CSMD3: variants seen among roughly 807,000 people sequenced by gnomAD.
CSMD3 encodes the protein CUB and Sushi multiple domains 3.
A neutral mutation model predicts 435.2 loss-of-function variants in CSMD3; 177 were observed. The ratio of observed to expected loss-of-function variants is 0.41; its 90% CI spans 0.36 to 0.46. CSMD3 has a LOEUF of 0.46. CSMD3 is among the 20% of genes least tolerant of loss of function. The pLI is 0.34. For synonymous variants in CSMD3, 1,656 were observed against 1,520.5 expected (o/e 1.09, Z -2.07); for missense variants, 4,265 against 4,504.6 (o/e 0.95, Z 1.52).
chr8:113,376,922 C>T (rs893097140), intron 1 of CSMD3: 15 of 1,548,940 alleles, frequency 9.7e-6, no homozygotes, highest in Non-Finnish European at 1.1e-5. Context: ...GTTGTGGGGG[C>T]CATAACGGAT....
intron 3 of CSMD3, among the ~76,000 whole-genome samples, chr8:113,214,786 G>GA (rs2092881936): frequency 6.6e-6 from 1 of 151,692 alleles, no homozygotes; most frequent in Non-Finnish European, 1.5e-5. Context: ...GTCAAATACA[G>GA]AGAACAATAA....
intron 2 of CSMD3, among the ~76,000 whole-genome samples, chr8:113,290,738 G>A (rs2093680725): frequency 6.6e-6 from 1 of 151,574 alleles, no homozygotes; most frequent in African/African-American, 2.4e-5. Flanking sequence ...AATGAATTTA[G>A]ACATGATTTA....
At chr8:113,047,510 G>A (rs552602319) in intron 5 of CSMD3, among the ~76,000 whole-genome samples, 1 of 152,088 alleles carries the variant, frequency 6.6e-6, no homozygotes, top group South Asian at 2.1e-4. Context: ...GAACAATCAG[G>A]ATTTCTTCCT....
chr8:113,225,769 G>A (rs2132157329), intron 3 of CSMD3, among the ~76,000 whole-genome samples: 1 of 151,592 alleles, frequency 6.6e-6, no homozygotes, highest in Non-Finnish European at 1.5e-5. Context: ...GTACCTGCGA[G>A]TCTCCAGAGA....
At chr8:113,430,599 A>G (rs1005567584) in intron 1 of CSMD3, among the ~76,000 whole-genome samples, 4 of 152,096 alleles carry the variant, frequency 2.6e-5, no homozygotes, top group African/African-American at 9.7e-5. Context: ...GATTCAACAG[A>G]CCTTATCTGG....
At chr8:112,402,518 A>T (rs769331699) in intron 35 of CSMD3, among the ~76,000 whole-genome samples, 1 of 152,182 alleles carries the variant, frequency 6.6e-6, no homozygotes, top group Non-Finnish European at 1.5e-5. Context: ...ATGAATTTCC[A>T]TGTCATTATA....
chr8:112,531,885 G>A (rs181063470), intron 27 of CSMD3, among the ~76,000 whole-genome samples: 46 of 152,114 alleles, frequency 3.0e-4, no homozygotes, highest in East Asian at 2.9e-3. Context: ...TAACTAAGGC[G>A]CCAGTGATTA....
At chr8:112,235,484 G>A (rs1813484525) in intron 67 of CSMD3, among the ~76,000 whole-genome samples, 1 of 152,082 alleles carries the variant, frequency 6.6e-6, no homozygotes, top group Admixed American at 6.6e-5. Context: ...TTTTTAGTTT[G>A]GGAAGGTAAA....
At chr8:112,894,008 G>T (rs1375841334) in intron 10 of CSMD3, among the ~76,000 whole-genome samples, 1 of 151,338 alleles carries the variant, frequency 6.6e-6, no homozygotes, top group Non-Finnish European at 1.5e-5. Context: ...GACTCCCAGG[G>T]TAAAATACAT....
intron 10 of CSMD3, among the ~76,000 whole-genome samples, chr8:112,908,884 A>G (rs2082332813): frequency 6.6e-6 from 1 of 151,588 alleles, no homozygotes; most frequent in African/African-American, 2.4e-5. Flanking sequence ...TCCTCCTTGC[A>G]TAATTTAGAA....
chr8:113,334,672 C>T (rs1461760547), intron 1 of CSMD3, among the ~76,000 whole-genome samples: 1 of 151,952 alleles, frequency 6.6e-6, no homozygotes, highest in African/African-American at 2.4e-5. Flanking sequence ...AATTATCCAG[C>T]GAAACCATCT....
intron 11 of CSMD3, 22 bp downstream of exon 11, chr8:112,859,123 A>T (rs2129855256): frequency 6.2e-7 from 1 of 1,603,640 alleles, no homozygotes; most frequent in Non-Finnish European, 8.5e-7. Flanking sequence ...TTTTTTTTAA[A>T]TCACAGATGG....
intron 3 of CSMD3, among the ~76,000 whole-genome samples, chr8:113,250,110 A>G (rs1449905417): frequency 1.3e-5 from 2 of 152,126 alleles, no homozygotes; most frequent in African/African-American, 4.8e-5. Context: ...GACACGAACA[A>G]CAGTTTTCAG....
At chr8:112,456,181 A>G (rs1672498910) in intron 32 of CSMD3, among the ~76,000 whole-genome samples, 1 of 152,172 alleles carries the variant, frequency 6.6e-6, no homozygotes, top group Non-Finnish European at 1.5e-5. Flanking sequence ...TAGAGAACTG[A>G]AAGAAAATAT....
chr8:112,613,656 A>G (rs893970481), intron 22 of CSMD3, among the ~76,000 whole-genome samples: 1 of 152,166 alleles, frequency 6.6e-6, no homozygotes, highest in Admixed American at 6.6e-5. Context: ...TGTAGGTGAC[A>G]TTCTTACATT....
At chr8:112,875,069 C>T (rs552980532) in intron 10 of CSMD3, among the ~76,000 whole-genome samples, 3 of 152,258 alleles carry the variant, frequency 2.0e-5, no homozygotes, top group Admixed American at 6.5e-5. Context: ...TTTTTCCTTT[C>T]CACATTTAGT....
chr8:113,058,823 A>G (rs1454986914), intron 5 of CSMD3, among the ~76,000 whole-genome samples: 1 of 152,002 alleles, frequency 6.6e-6, no homozygotes, highest in Admixed American at 6.6e-5. Flanking sequence ...TTTTTACTCT[A>G]TAGTTAGTTT....
At chr8:112,730,500 C>G (rs2077052333) in intron 13 of CSMD3, among the ~76,000 whole-genome samples, 1 of 152,058 alleles carries the variant, frequency 6.6e-6, no homozygotes, top group Non-Finnish European at 1.5e-5. Flanking sequence ...ATGTATTTAG[C>G]TATATAGCTT....
intron 1 of CSMD3, among the ~76,000 whole-genome samples, chr8:113,382,880 C>T (rs1323984218): frequency 3.9e-5 from 6 of 152,136 alleles, no homozygotes; most frequent in Non-Finnish European, 7.4e-5. Context: ...ACTTGGGAGG[C>T]TGAGGCAGGA....
Sources: allele counts gnomAD v4.1 joint callset (sites outside exome capture counted in the v4.1 genomes callset), GRCh38; gene constraint gnomAD v4.1.1; transcripts MANE v1.5; gene names NCBI Gene and HGNC (gene_info 2026-07-23, HGNC 2026-07-21).